Variants in TUNAR observed in about 807,000 individuals in gnomAD.
TUNAR encodes transmembrane neural differentiation associated intracellular calcium regulator.
intron 2 of TUNAR, among the ~76,000 whole-genome samples, chr14:95,887,978 A>G (rs934590854): frequency 6.6e-6 from 1 of 152,230 alleles, no homozygotes; most frequent in Non-Finnish European, 1.5e-5. Flanking sequence ...CACCATTGGA[A>G]TGGCAGTTCT....
chr14:95,911,642 G>A (rs568656879), intron 2 of TUNAR, among the ~76,000 whole-genome samples: 3 of 152,226 alleles, frequency 2.0e-5, no homozygotes, highest in South Asian at 4.2e-4. Flanking sequence ...AACCTTCCCC[G>A]CTCCAAAATA....
chr14:95,894,325 G>A (rs1179160570), intron 2 of TUNAR, among the ~76,000 whole-genome samples: 1 of 152,216 alleles, frequency 6.6e-6, no homozygotes, highest in Non-Finnish European at 1.5e-5. Flanking sequence ...CACGCTATGT[G>A]CTGCATTTGT....
chr14:95,877,364 G>T (rs972077670), intron 2 of TUNAR, among the ~76,000 whole-genome samples, 187 bp downstream of exon 1: 1 of 152,224 alleles, frequency 6.6e-6, no homozygotes, highest in African/African-American at 2.4e-5. Context: ...CAGACCTGGT[G>T]CTTTCTTCTG....
intron 2 of TUNAR, among the ~76,000 whole-genome samples, chr14:95,915,770 A>T (rs1020643188): frequency 1.5e-4 from 23 of 152,228 alleles, no homozygotes; most frequent in African/African-American, 5.5e-4. Flanking sequence ...CATCCTAATT[A>T]AGCAAATGAT....
intron 2 of TUNAR, among the ~76,000 whole-genome samples, chr14:95,914,159 T>C (rs180821746): frequency 6.6e-6 from 1 of 152,176 alleles, no homozygotes; most frequent in Non-Finnish European, 1.5e-5. Context: ...AGTCAAAAAC[T>C]GGAAGGTGAG....
At chr14:95,912,424 T>C (rs1379981348) in intron 2 of TUNAR, among the ~76,000 whole-genome samples, 1 of 152,216 alleles carries the variant, frequency 6.6e-6, no homozygotes, top group Non-Finnish European at 1.5e-5. Flanking sequence ...ATTGTCTAAA[T>C]AGATGCAGAA....
chr14:95,909,519 G>A (rs1011550119), intron 2 of TUNAR, among the ~76,000 whole-genome samples: 3 of 151,978 alleles, frequency 2.0e-5, no homozygotes, highest in Non-Finnish European at 4.4e-5. Flanking sequence ...TCCTGACCTC[G>A]TGATCCACCC....
chr14:95,917,454 A>G (rs1889623616), intron 2 of TUNAR, among the ~76,000 whole-genome samples: 1 of 152,206 alleles, frequency 6.6e-6, no homozygotes, highest in South Asian at 2.1e-4. Flanking sequence ...TTTAGTAAAC[A>G]TCTTGGCTGT....
chr14:95,894,943 C>T (rs1015139119), intron 2 of TUNAR, among the ~76,000 whole-genome samples: 5 of 152,186 alleles, frequency 3.3e-5, no homozygotes, highest in Admixed American at 6.5e-5. Context: ...CAGGGCACTG[C>T]GGGATGGAGT....
At chr14:95,920,629 C>T (rs1437745636) in intron 2 of TUNAR, among the ~76,000 whole-genome samples, 5 of 152,162 alleles carry the variant, frequency 3.3e-5, no homozygotes, top group South Asian at 4.1e-4. Flanking sequence ...CTCGTTCATA[C>T]GGATGTTCAT....
At chr14:95,882,967 C>G (rs1436305296) in intron 2 of TUNAR, among the ~76,000 whole-genome samples, 1 of 152,130 alleles carries the variant, frequency 6.6e-6, no homozygotes, top group African/African-American at 2.4e-5. Flanking sequence ...GATACAGTAT[C>G]CTTTAACTTG....
intron 2 of TUNAR, among the ~76,000 whole-genome samples, chr14:95,908,121 C>G (rs1022843037): frequency 6.6e-6 from 1 of 152,234 alleles, no homozygotes; most frequent in East Asian, 1.9e-4. Context: ...TGCTTCTGCT[C>G]AGGAATCTGT....
chr14:95,907,576 T>C (rs909469059), intron 2 of TUNAR, among the ~76,000 whole-genome samples: 5 of 152,178 alleles, frequency 3.3e-5, no homozygotes, highest in African/African-American at 7.2e-5. Context: ...GAATGAGGTA[T>C]GCAGACAAGT....
intron 2 of TUNAR, among the ~76,000 whole-genome samples, chr14:95,882,783 C>G (rs1490808634): frequency 6.6e-6 from 1 of 152,186 alleles, no homozygotes; most frequent in East Asian, 1.9e-4. Flanking sequence ...TTCTCCGCCT[C>G]TATCTGCTAA....
At chr14:95,883,754 T>C (rs1386580837) in intron 2 of TUNAR, among the ~76,000 whole-genome samples, 1 of 151,994 alleles carries the variant, frequency 6.6e-6, no homozygotes, top group African/African-American at 2.4e-5. Context: ...CCTTCACTGG[T>C]TTCAAGTGCA....
chr14:95,898,453 A>G (rs1889297836), intron 2 of TUNAR, among the ~76,000 whole-genome samples: 1 of 152,150 alleles, frequency 6.6e-6, no homozygotes, highest in African/African-American at 2.4e-5. Context: ...AATGGAACTG[A>G]TTGTTTTAAA....
At chr14:95,887,789 C>T (rs975595284) in intron 2 of TUNAR, among the ~76,000 whole-genome samples, 1 of 152,174 alleles carries the variant, frequency 6.6e-6, no homozygotes, top group African/African-American at 2.4e-5. Context: ...GGGGACCCGA[C>T]CAGATGATGG....
chr14:95,889,716 C>T (rs546996261), intron 2 of TUNAR, among the ~76,000 whole-genome samples: 29 of 152,260 alleles, frequency 1.9e-4, no homozygotes, highest in South Asian at 4.2e-4. Context: ...AGCCGTCACC[C>T]CTGTCTGGCT....
intron 2 of TUNAR, among the ~76,000 whole-genome samples, chr14:95,897,948 T>G (rs978237663): frequency 6.6e-6 from 1 of 152,168 alleles, no homozygotes; most frequent in Admixed American, 6.5e-5. Context: ...TTTTTCTGTT[T>G]TGTTTTGTTT....
Sources: gnomAD v4.1 joint callset for allele counts (sites outside exome capture counted in the v4.1 genomes callset) on GRCh38, gnomAD v4.1.1 for gene constraint, MANE v1.5 for transcripts, NCBI Gene and HGNC (gene_info 2026-07-23, HGNC 2026-07-21) for gene names.